SNRNP200: variants seen among roughly 807,000 people sequenced by gnomAD.
SNRNP200 encodes the protein small nuclear ribonucleoprotein U5 subunit 200.
SNRNP200 carries 66 observed loss-of-function variants against 255.2 expected under a neutral mutation model. That is an observed-to-expected ratio of 0.26 (90% confidence interval 0.21 to 0.32). The LOEUF (loss-of-function observed/expected upper bound fraction) is 0.32. Ranked by LOEUF, SNRNP200 falls within the 10% of genes least tolerant of loss-of-function variation. SNRNP200 has a pLI of 1.00. For synonymous variants in SNRNP200, 939 were observed against 1,027.8 expected, an observed-to-expected ratio of 0.91 and a Z score of 1.65; for missense variants, 1,585 against 2,749.8, an observed-to-expected ratio of 0.58 and a Z score of 9.47.
chr2:96,286,536 G>A lies in SNRNP200; in HGVS notation c.3830-52C>T. 6.2e-7 allele frequency: 1 copy of A among 1,606,330 alleles called. No homozygotes were observed. Among genetic ancestry groups the A allele is most frequent in the Non-Finnish European group, 8.5e-7 (1 of 1,174,756 alleles). The stretch of plus-strand genomic sequence containing the variant: ...TAAGCACTGCTCTCTTTCCCTCACT[G>A]GCCTCTAGATCCCCTCCATGAACAC... On this transcript the variant is annotated intron_variant, in intron 28 of 44. Transcript: ENST00000323853. This position sits in a 1 kb window ranked among gnomAD's most constrained non-coding sequence, Gnocchi z 4.8.
rs1328347557 is a variant in SNRNP200, at chr2:96,287,784, C to T, written c.3365+79G>A. The T allele has an allele frequency of 1.6e-6, 2 of 1,242,208 alleles. No homozygotes were observed. The highest frequency in any genetic ancestry group is 1.7e-5 in the Admixed American group (1 of 59,432). 76.9% of individuals were successfully genotyped at this position (1,242,208 alleles called of 1,614,324 possible). A position where few individuals can be genotyped will look rare whatever the true frequency, so the allele number is the denominator to read the frequency against. On this transcript the variant is annotated intron_variant, in intron 25 of 44. Coordinates refer to ENST00000323853, the MANE Select transcript of SNRNP200 (RefSeq NM_014014.5). The surrounding 1 kb of genome is among the most constrained non-coding windows in gnomAD (Gnocchi z 5.7). ...ATGTCAGGTCTGGAGATCAGATGCACCCTGAGGCTTTCCCATCAGACCCTT... is the reference window on the plus strand; with the variant it reads ...ATGTCAGGTCTGGAGATCAGATGCATCCTGAGGCTTTCCCATCAGACCCTT...
At chr2:96,292,025 A>C in intron 16 of SNRNP200, 125 bp from the exon 17 acceptor site, 1 of 1,053,086 alleles carries the variant, frequency 9.5e-7, no homozygotes, top group Non-Finnish European at 1.4e-6. Flanking sequence ...CAAGGGCAGG[A>C]ATGTGTGCAG....
Position 96,302,609 on chromosome 2 carries a change from C to T in SNRNP200, c.381+550G>A, listed in dbSNP as rs572591144. On this transcript the variant is annotated intron_variant, in intron 3 of 44. Coordinates refer to ENST00000323853, the MANE Select transcript of SNRNP200 (RefSeq NM_014014.5). The stretch of plus-strand genomic sequence containing the variant: ...TAACTACCTGGAGATAGCGTCAGAT[C>T]CCACAGACTGAGGACTCAGTCGCAC... Among the ~76,000 whole-genome samples the T allele has an allele frequency of 5.9e-5, 9 of 152,286 alleles. No individual in the cohort carries two copies. The South Asian group carries it at 1.9e-3, about 32-fold the overall frequency.
In SNRNP200 at chr2:96,277,490, C is replaced by T. The variant is rs1381627699; in HGVS notation, c.5931+49G>A. On this transcript the variant is annotated intron_variant, in intron 41 of 44. Transcript: ENST00000323853. The surrounding 1 kb of genome is among the most constrained non-coding windows in gnomAD (Gnocchi z 4.4). ...CGCAACCCACGCTCGGTCCACAACA[C>T]TGGGCTCTCAGGCTCACCCACCTGA... 2 of 1,606,604 alleles carry T rather than the reference C, an allele frequency of 1.2e-6. No homozygotes were observed. The highest frequency in any genetic ancestry group is 1.7e-6 in the Non-Finnish European group (2 of 1,175,154).
In SNRNP200 at chr2:96,298,827, C is replaced by T. The variant is rs940109022; in HGVS notation, c.870G>A (p.Leu290=). 1.2e-6 allele frequency: 2 copies of T among 1,614,018 alleles called. No individual in the cohort carries two copies. Among genetic ancestry groups the T allele is most frequent in the African/African-American group, 2.7e-5 (2 of 74,924 alleles). Residue 290 remains leucine (L), a synonymous_variant, in exon 7 of 45, where the codon TTG becomes TTA. Coordinates refer to ENST00000323853, the MANE Select transcript of SNRNP200 (RefSeq NM_014014.5). ...IVSQKKADEV[L]EILKTASDDR... ...ATCTTGGCCATACCTTCAAAATCTC[C>T]AATACTTCATCTGCCTTCTTCTGCG...
intron 35 of SNRNP200, 101 bp from the exon 36 acceptor site, chr2:96,279,660 C>G: frequency 1.4e-6 from 1 of 722,464 alleles, no homozygotes; most frequent in South Asian, 1.5e-5. Context: ...AATGTTAATA[C>G]GGGGAGACAC....
rs2063874900 is a variant in SNRNP200, at chr2:96,290,059, C to A, written c.2743-63G>T. The A allele has an allele frequency of 1.4e-6, 2 of 1,473,390 alleles. No homozygotes were observed. Among genetic ancestry groups the A allele is most frequent in the Non-Finnish European group, 1.9e-6 (2 of 1,052,712 alleles). The allele number at this position is 1,473,390 out of a possible 1,614,324, so 91.3% of individuals were successfully genotyped here. On this transcript the variant is annotated intron_variant, in intron 20 of 44. Transcript: ENST00000323853. This position sits in a 1 kb window ranked among gnomAD's most constrained non-coding sequence, Gnocchi z 4.5. ...CTCTTGATGTCCAAATGACAGGCTC[C>A]CATGAATTGCTTAGAAATTAATTCC...
intron 35 of SNRNP200, among the ~76,000 whole-genome samples, chr2:96,280,848 CTTTT>C (rs985439781): frequency 4.4e-5 from 5 of 114,856 alleles, no homozygotes; most frequent in East Asian, 2.7e-4. Flanking sequence ...ACACCTGGCC[CTTTT>C]TTTTTTTTTT....
Position 96,296,974 on chromosome 2 carries a change from C to T in SNRNP200, c.1474G>A (p.Ala492Thr), listed in dbSNP as rs1236207502. 6.2e-7 allele frequency: 1 copy of T among 1,614,230 alleles called. No homozygotes were observed. Among genetic ancestry groups the T allele is most frequent in the East Asian group, 2.2e-5 (1 of 44,884 alleles). Reference sequence around the variant, plus strand: ...AGCAGATTCTCATCCGTCTCAAGGGCAGCACGGTAGAGCTTACTCTGGATC... The same window carrying T: ...AGCAGATTCTCATCCGTCTCAAGGGTAGCACGGTAGAGCTTACTCTGGATC... ...NRIQSKLYRA[A>T]LETDENLLLC... is the part of the protein sequence containing the mutation. The change falls in exon 12 of 45, where the codon GCC (alanine) becomes ACC (threonine). Residue 492 changes from alanine to threonine, a missense_variant. Physicochemically the swap from Ala to Thr is moderately conservative, Grantham distance 58. Around this residue, in one of 9 missense-constraint regions of SNRNP200, gnomAD observed 383 missense variants for 645.3 expected, o/e 0.59. Coordinates refer to ENST00000323853, the MANE Select transcript of SNRNP200 (RefSeq NM_014014.5).
At position 96,283,110 on chromosome 2, in the gene SNRNP200, G is replaced by T; in HGVS notation, c.4915+91C>A. On this transcript the variant is annotated intron_variant, in intron 34 of 44. Coordinates refer to ENST00000323853, the MANE Select transcript of SNRNP200 (RefSeq NM_014014.5). The surrounding 1 kb of genome is among the most constrained non-coding windows in gnomAD (Gnocchi z 4.7). ...GTATTTTGAAAATCTCTGGTATGCTGTAGAGAAAACACTGCCACCCGCACC... is the reference window on the plus strand; with the variant it reads ...GTATTTTGAAAATCTCTGGTATGCTTTAGAGAAAACACTGCCACCCGCACC... 1 of 1,492,398 alleles carries T rather than the reference G, an allele frequency of 6.7e-7. No individual in the cohort carries two copies. The highest frequency in any genetic ancestry group is 9.3e-7 in the Non-Finnish European group (1 of 1,078,432). 92.4% of individuals were successfully genotyped at this position (1,492,398 alleles called of 1,614,324 possible). A position where few individuals can be genotyped will look rare whatever the true frequency, so the allele number is the denominator to read the frequency against.
chr2:96,291,049 A>AATACAAGTTTAATACAAG lies in SNRNP200; in HGVS notation c.2422-235_2422-234insCTTGTATTAAACTTGTAT. On this transcript the variant is annotated intron_variant, in intron 18 of 44. Transcript: ENST00000323853. This position sits in a 1 kb window ranked among gnomAD's most constrained non-coding sequence, Gnocchi z 4.2. ...TCCAGAGGCACAAGTGCAGACTTGTATTAAACAACCTTAAAGTTACTAGAA... is the reference window on the plus strand; with the variant it reads ...TCCAGAGGCACAAGTGCAGACTTGTAATACAAGTTTAATACAAGTTAAACAACCTTAAAGTTACTAGAA... Among the ~76,000 whole-genome samples, 1 of 152,206 alleles carries AATACAAGTTTAATACAAG rather than the reference A, an allele frequency of 6.6e-6. No homozygotes were observed. The highest frequency in any genetic ancestry group is 6.5e-5 in the Admixed American group (1 of 15,286).
chr2:96,295,745 T>A (rs1017385669), intron 13 of SNRNP200, 87 bp from the exon 14 acceptor site: 1 of 1,411,428 alleles, frequency 7.1e-7, no homozygotes, highest in African/African-American at 1.4e-5. Flanking sequence ...GTGTAGGGCA[T>A]TGGGAGCAGG....
intron 35 of SNRNP200, chr2:96,281,606 G>A (rs1250569354): frequency 1.8e-6 from 1 of 567,668 alleles, no homozygotes; most frequent in Non-Finnish European, 3.3e-6. Flanking sequence ...TCTCCCAGCT[G>A]CTGAATAAGG....
intron 3 of SNRNP200, among the ~76,000 whole-genome samples, chr2:96,302,627 A>T (rs1380358236): frequency 1.3e-5 from 2 of 152,222 alleles, no homozygotes; most frequent in African/African-American, 4.8e-5. Flanking sequence ...CTGAGGACTC[A>T]GTCGCACAAG....
chr2:96,283,461 T>A lies in SNRNP200; in HGVS notation c.4763+74A>T, dbSNP rs2063819444. The A allele has an allele frequency of 6.2e-7, 1 of 1,612,616 alleles. No homozygotes were observed. Among genetic ancestry groups the A allele is most frequent in the African/African-American group, 1.3e-5 (1 of 74,938 alleles). On this transcript the variant is annotated intron_variant, in intron 33 of 44. Coordinates refer to ENST00000323853, the MANE Select transcript of SNRNP200 (RefSeq NM_014014.5). This position sits in a 1 kb window ranked among gnomAD's most constrained non-coding sequence, Gnocchi z 4.7. ...GCAACATGGGCTAACCCCACCCTCA[T>A]AAAGAGGACACCCTTGGAGTAGGCC...
chr2:96,283,687 G>T lies in SNRNP200; in HGVS notation c.4611C>A (p.Thr1537=), dbSNP rs902001031. 6.2e-7 allele frequency: 1 copy of T among 1,614,116 alleles called. No individual in the cohort carries two copies. The highest frequency in any genetic ancestry group is 1.3e-5 in the African/African-American group (1 of 75,040). ...IQGFNISHTQ[T]RLLSMAKPVY... ...CAGGCTTGGCCATGGAGAGCAGGCG[G>T]GTTTGTGTATGGCTGATGTTGAAGC... The change falls in exon 33 of 45, where the codon ACC becomes ACA. Residue 1537 remains threonine (T), a synonymous_variant. Transcript: ENST00000323853. The surrounding 1 kb of genome is among the most constrained non-coding windows in gnomAD (Gnocchi z 4.7).
chr2:96,284,086 A>G (rs1031683460), intron 31 of SNRNP200, 82 bp from the exon 32 acceptor site: 6 of 1,333,894 alleles, frequency 4.5e-6, no homozygotes, highest in East Asian at 2.5e-5. Flanking sequence ...GAACAGCCCA[A>G]CAGCCTCAAA....
chr2:96,281,432 G>T (rs927444075), intron 35 of SNRNP200: 1 of 299,136 alleles, frequency 3.3e-6, no homozygotes, highest in African/African-American at 2.2e-5. Flanking sequence ...GCCTCCCAAA[G>T]TGCTGGGATT....
In SNRNP200 at chr2:96,287,514, CA is replaced by C; in HGVS notation, c.3408del (p.Glu1137ArgfsTer3). 1 of 1,614,222 alleles carries C rather than the reference CA, an allele frequency of 6.2e-7. No homozygotes were observed. Among genetic ancestry groups the C allele is most frequent in the Non-Finnish European group, 8.5e-7 (1 of 1,180,038 alleles). On this transcript the variant is annotated frameshift_variant, in exon 26 of 45. Transcript: ENST00000323853. LOFTEE classifies it high-confidence loss of function. This position sits in a 1 kb window ranked among gnomAD's most constrained non-coding sequence, Gnocchi z 5.7. ...MCPLRQFRKL[P>X]EEVVKKIEKK... ...TTCTCAATCTTCTTCACTACTTCCT[CA>C]GGGAGTTTCCGGAACTGGCGCAGAG...
Sources: allele counts gnomAD v4.1 joint callset (sites outside exome capture counted in the v4.1 genomes callset), GRCh38; gene constraint gnomAD v4.1.1; regional missense constraint gnomAD v4.1.1; non-coding constraint Gnocchi (gnomAD v3.1); transcripts MANE v1.5; gene names NCBI Gene and HGNC (gene_info 2026-07-23, HGNC 2026-07-21).